The following TMEM231 variants were observed in gnomAD, a reference collection of about 807,000 sequenced individuals.
The protein encoded by TMEM231 is transmembrane protein 231.
A neutral mutation model predicts 38.5 loss-of-function variants in TMEM231; 40 were observed. That is an observed-to-expected ratio of 1.04 (90% CI 0.81 to 1.35). TMEM231 has a LOEUF of 1.35. Among genes scored for constraint, TMEM231 ranks in the 40% most tolerant of loss-of-function variants. The probability of loss-of-function intolerance (pLI) is 0.00; values close to 1 mark genes in which losing one functional copy is unlikely to be tolerated. For synonymous variants in TMEM231, 199 were observed against 181.7 expected (o/e 1.10, Z -0.77); for missense variants, 420 against 416.9 (o/e 1.01, Z -0.07).
chr16:75,544,878 C>T (rs1182936640), intron 4 of TMEM231, among the ~76,000 whole-genome samples: 1 of 151,124 alleles, frequency 6.6e-6, no homozygotes. Flanking sequence ...AAATTCATGG[C>T]AAGAATTCTA....
chr16:75,545,985 G>C (rs751011033), intron 2 of TMEM231, 31 bp from the exon 3 acceptor site: 20 of 1,555,342 alleles, frequency 1.3e-5, no homozygotes, highest in Admixed American at 1.9e-5. Flanking sequence ...CAGCAGCCCT[G>C]GTCACTAATG....
chr16:75,550,294 G>C (rs761034843), intron 2 of TMEM231, among the ~76,000 whole-genome samples: 22 of 152,254 alleles, frequency 1.4e-4, no homozygotes, highest in Non-Finnish European at 2.2e-4. Flanking sequence ...GAAGCCGGTA[G>C]GAGAGGCGTC....
At chr16:75,547,556 G>A (rs929324820) in intron 2 of TMEM231, among the ~76,000 whole-genome samples, 1 of 151,680 alleles carries the variant, frequency 6.6e-6, no homozygotes, top group African/African-American at 2.4e-5. Context: ...CCTGCCTTGC[G>A]GATCATGAGG....
At chr16:75,547,001 T>C (rs1190652820) in intron 2 of TMEM231, among the ~76,000 whole-genome samples, 1 of 152,196 alleles carries the variant, frequency 6.6e-6, no homozygotes, top group African/African-American at 2.4e-5. Flanking sequence ...ATGAAGCATA[T>C]GTAGGCAGTG....
chr16:75,550,074 G>T (rs1028441613), intron 2 of TMEM231, among the ~76,000 whole-genome samples: 3 of 152,200 alleles, frequency 2.0e-5, no homozygotes, highest in African/African-American at 7.2e-5. Context: ...CGTAAAAAGG[G>T]GATATCCCAG....
intron 2 of TMEM231, among the ~76,000 whole-genome samples, chr16:75,554,670 T>G (rs1459448999): frequency 6.6e-6 from 1 of 152,054 alleles, no homozygotes; most frequent in Admixed American, 6.5e-5. Flanking sequence ...TATTGATACA[T>G]ATACAAAACT....
rs977712497 is a variant in TMEM231, at chr16:75,542,477, C to T, written c.664+125G>A. The T allele has an allele frequency of 1.2e-5, 11 of 886,532 alleles. No individual in the cohort carries two copies. In the East Asian group the frequency reaches 2.5e-4, roughly 20 times the overall value. 54.9% of individuals were successfully genotyped at this position (886,532 alleles called of 1,614,324 possible). On this transcript the variant is annotated intron_variant, in intron 5 of 6. Transcript: ENST00000258173. ...AAATCCTGGACAGCATATTTGCTCC[C>T]ATCGTTGAGCATTCACGGGTTTTGA... is the stretch of plus-strand genomic sequence containing the variant.
At chr16:75,545,144 C>A (rs2080671660) in intron 4 of TMEM231, among the ~76,000 whole-genome samples, 1 of 151,552 alleles carries the variant, frequency 6.6e-6, no homozygotes, top group Admixed American at 6.6e-5. Flanking sequence ...TTAGTAGAGA[C>A]AGGGTTTCAC....
At chr16:75,555,697 A>G in intron 2 of TMEM231, 107 bp downstream of exon 2, 1 of 1,233,458 alleles carries the variant, frequency 8.1e-7, no homozygotes, top group Non-Finnish European at 1.1e-6. Flanking sequence ...CCTTAGGATC[A>G]AAGCTGGGCT....
At chr16:75,548,923 G>C (rs1025582176) in intron 2 of TMEM231, among the ~76,000 whole-genome samples, 3 of 152,078 alleles carry the variant, frequency 2.0e-5, no homozygotes, top group African/African-American at 7.2e-5. Flanking sequence ...AAATATTCAG[G>C]ATGACCCAAC....
intron 2 of TMEM231, among the ~76,000 whole-genome samples, chr16:75,549,141 T>C (rs2080727047): frequency 6.6e-6 from 1 of 152,222 alleles, no homozygotes; most frequent in African/African-American, 2.4e-5. Context: ...GTCACCAAGC[T>C]GGACTCTCAC....
intron 2 of TMEM231, among the ~76,000 whole-genome samples, chr16:75,547,863 T>C (rs1259470479): frequency 6.6e-6 from 1 of 152,166 alleles, no homozygotes; most frequent in African/African-American, 2.4e-5. Context: ...GAAAATCTTA[T>C]GTAACTCTCT....
chr16:75,545,583 C>G, intron 3 of TMEM231, 88 bp from the exon 4 acceptor site: 1 of 929,580 alleles, frequency 1.1e-6, no homozygotes, highest in Non-Finnish European at 1.6e-6. Flanking sequence ...TGGCTGAAAC[C>G]TAAGAGGCCC....
chr16:75,538,659 A>AGG lies in TMEM231; in HGVS notation c.*1333_*1334dup, dbSNP rs1301249005. On this transcript the variant is annotated 3_prime_UTR_variant, in exon 7 of 7. Transcript: ENST00000258173. ...CCAAAGTAAACTGAGGCACACACTG[A>AGG]GGGGTGTGTTTCTGGGTGGGCATGA... 6.6e-6 allele frequency: 1 copy of AGG among 152,148 alleles called. No homozygotes were observed. The highest frequency in any genetic ancestry group is 1.5e-5 in the Non-Finnish European group (1 of 68,036). 9.4% of individuals were successfully genotyped at this position (152,148 alleles called of 1,614,324 possible). A position where few individuals can be genotyped will look rare whatever the true frequency, so the allele number is the denominator to read the frequency against.
chr16:75,544,917 A>G (rs1342282780), intron 4 of TMEM231, among the ~76,000 whole-genome samples: 1 of 150,442 alleles, frequency 6.6e-6, no homozygotes, highest in East Asian at 2.0e-4. Flanking sequence ...CCACCCACAA[A>G]GAAATGATAT....
In TMEM231 at chr16:75,555,784, C is replaced by A. The variant is rs1186787656; in HGVS notation, c.309+20G>T. 10 of 1,509,884 alleles carry A rather than the reference C, an allele frequency of 6.6e-6. No homozygotes were observed. Among genetic ancestry groups the A allele is most frequent in the Non-Finnish European group, 8.9e-6 (10 of 1,126,132 alleles). The allele number at this position is 1,509,884 out of a possible 1,614,324, so 93.5% of individuals were successfully genotyped here. A position where few individuals can be genotyped will look rare whatever the true frequency, so the allele number is the denominator to read the frequency against. ...ACCCTATCCCCGACTCTGCCCCAGG[C>A]CCAGGCGGGAACCACGCACCGAAAC... On this transcript the variant is annotated intron_variant, in intron 2 of 6. Transcript: ENST00000258173.
chr16:75,554,645 C>T (rs959517808), intron 2 of TMEM231, among the ~76,000 whole-genome samples: 16 of 151,538 alleles, frequency 1.1e-4, no homozygotes, highest in African/African-American at 3.6e-4. Flanking sequence ...AAAAAGAATA[C>T]AGCTGATTAA....
rs903490676 is a variant in TMEM231 at position 75,546,069 on chromosome 16, T to A, written c.310-115A>T. ...GTCTTGCTGTACACAACAGGCATTA[T>A]CTCCTCCACTAAAAGAGAAAAGCAG... On this transcript the variant is annotated intron_variant, in intron 2 of 6. Transcript: ENST00000258173. 2.6e-6 allele frequency: 4 copies of A among 1,549,854 alleles called. No homozygotes were observed. The African/African-American group carries it at 5.5e-5, about 21-fold the overall frequency.
rs1252547631 is a variant in TMEM231, at chr16:75,556,146, T to A, written c.64A>T (p.Lys22Ter). 1.3e-6 allele frequency: 2 copies of A among 1,576,070 alleles called. No individual in the cohort carries two copies. Among genetic ancestry groups the A allele is most frequent in the African/African-American group, 2.7e-5 (2 of 73,762 alleles). ...GCCAGCAGCAGGAACAGCGCGGCTT[T>A]GGAGCAGAGCCCCGCGCGGTAACTG... is the stretch of plus-strand genomic sequence containing the variant. ...ERSYRAGLCS[K>*]AALFLLLAAA... Residue 22 changes from lysine (K) to a stop codon, truncating the protein, a stop_gained, in exon 1 of 7, where the codon AAA becomes TAA. Transcript: ENST00000258173. LOFTEE classifies it high-confidence loss of function.
Sources: allele counts gnomAD v4.1 joint callset (sites outside exome capture counted in the v4.1 genomes callset), GRCh38; gene constraint gnomAD v4.1.1; transcripts MANE v1.5; gene names NCBI Gene and HGNC (gene_info 2026-07-23, HGNC 2026-07-21).